CCSER1: variants seen among roughly 807,000 people sequenced by gnomAD.
CCSER1 encodes coiled-coil serine rich protein 1.
A neutral mutation model predicts 82.0 loss-of-function variants in CCSER1; 41 were observed. The ratio of observed to expected loss-of-function variants is 0.50; its 90% CI spans 0.39 to 0.65. The LOEUF (loss-of-function observed/expected upper bound fraction) is 0.65. Among genes scored for constraint, CCSER1 ranks in the 30% least tolerant of loss-of-function variants. The pLI, the probability that CCSER1 is intolerant of heterozygous loss-of-function variation, is 0.00. For synonymous variants in CCSER1, 414 were observed against 383.9 expected (o/e 1.08, Z -0.92); for missense variants, 1,119 against 1,064.2 (o/e 1.05, Z -0.72).
At chr4:90,400,196 C>G (rs544660659) in intron 4 of CCSER1, 67 bp downstream of exon 4, 28 of 804,164 alleles carry the variant, frequency 3.5e-5, no homozygotes, top group Non-Finnish European at 5.4e-5. Flanking sequence ...CACTGATAGC[C>G]TAAACACTGT....
intron 9 of CCSER1, among the ~76,000 whole-genome samples, chr4:91,031,261 T>C (rs1426423391): frequency 6.6e-6 from 1 of 152,144 alleles, no homozygotes; most frequent in African/African-American, 2.4e-5. Flanking sequence ...GCTTACAAAT[T>C]TATTAGGTTA....
In CCSER1 at chr4:91,580,117, C is replaced by T. The variant is rs181697416; in HGVS notation, c.2218-18455C>T. Reference sequence around the variant, plus strand: ...AGAAATGATTTACTGCCAGTTACTGCAGAGCAAGCTGAAGAAAAATTCAAT... The same window carrying T: ...AGAAATGATTTACTGCCAGTTACTGTAGAGCAAGCTGAAGAAAAATTCAAT... On this transcript the variant is annotated intron_variant, in intron 10 of 10. Transcript: ENST00000509176. 2.6e-5 allele frequency among the ~76,000 whole-genome samples: 4 copies of T among 151,874 alleles called. No homozygotes were observed. The East Asian group carries it at 7.8e-4, about 29-fold the overall frequency.
At chr4:91,438,550 A>G (rs112750233) in intron 10 of CCSER1, among the ~76,000 whole-genome samples, 1 of 152,152 alleles carries the variant, frequency 6.6e-6, no homozygotes, top group Non-Finnish European at 1.5e-5. Flanking sequence ...GAGCAGAAAA[A>G]CTGGATACTC....
intron 10 of CCSER1, among the ~76,000 whole-genome samples, chr4:91,234,234 C>A (rs956474160): frequency 6.6e-5 from 10 of 152,028 alleles, no homozygotes; most frequent in African/African-American, 2.2e-4. Flanking sequence ...CATCTTTCTT[C>A]TTCCATTAGC....
intron 9 of CCSER1, among the ~76,000 whole-genome samples, chr4:91,041,268 T>C (rs186292073): frequency 6.6e-6 from 1 of 152,192 alleles, no homozygotes; most frequent in Non-Finnish European, 1.5e-5. Flanking sequence ...CATTTGAATT[T>C]TATTTAAAGA....
intron 10 of CCSER1, among the ~76,000 whole-genome samples, chr4:91,593,315 C>T (rs1764354292): frequency 6.6e-6 from 1 of 151,948 alleles, no homozygotes; most frequent in South Asian, 2.1e-4. Flanking sequence ...GTTGGTGCTA[C>T]ATTTGTTACT....
intron 5 of CCSER1, among the ~76,000 whole-genome samples, chr4:90,473,083 G>A (rs1321788441): frequency 6.6e-6 from 1 of 152,148 alleles, no homozygotes; most frequent in Non-Finnish European, 1.5e-5. Flanking sequence ...CACTCAGCAT[G>A]TTCCTCAAAA....
intron 10 of CCSER1, among the ~76,000 whole-genome samples, chr4:91,433,449 C>G (rs1754450090): frequency 6.6e-6 from 1 of 152,084 alleles, no homozygotes; most frequent in Admixed American, 6.5e-5. Flanking sequence ...ACTGACTCGC[C>G]CAAGGCAGCT....
intron 10 of CCSER1, among the ~76,000 whole-genome samples, chr4:91,236,444 C>G (rs1341475731): frequency 6.6e-6 from 1 of 152,126 alleles, no homozygotes; most frequent in Non-Finnish European, 1.5e-5. Flanking sequence ...GATCACACCA[C>G]TGCACTCCAG....
intron 10 of CCSER1, among the ~76,000 whole-genome samples, chr4:91,385,673 G>A (rs984087001): frequency 1.3e-5 from 2 of 151,870 alleles, no homozygotes; most frequent in African/African-American, 4.8e-5. Context: ...TTGTGACTTT[G>A]GATTTTATTG....
intron 10 of CCSER1, among the ~76,000 whole-genome samples, chr4:91,092,165 C>T (rs1411562315): frequency 1.3e-5 from 2 of 152,136 alleles, no homozygotes; most frequent in Admixed American, 6.5e-5. Context: ...TTTGCTCCAC[C>T]TTTCCGGAAC....
chr4:91,391,994 C>T (rs1415784986), intron 10 of CCSER1, among the ~76,000 whole-genome samples: 1 of 151,864 alleles, frequency 6.6e-6, no homozygotes, highest in African/African-American at 2.4e-5. Context: ...CATATATAGA[C>T]ATATAGACAT....
intron 9 of CCSER1, among the ~76,000 whole-genome samples, chr4:90,979,982 A>G (rs966622116): frequency 4.6e-5 from 2 of 43,774 alleles, no homozygotes; most frequent in African/African-American, 1.0e-4. Flanking sequence ...TGATGAAACT[A>G]TAACTAAAAA....
intron 6 of CCSER1, among the ~76,000 whole-genome samples, chr4:90,718,485 C>T (rs1005039775): frequency 6.6e-6 from 1 of 152,102 alleles, no homozygotes; most frequent in Non-Finnish European, 1.5e-5. Flanking sequence ...CTACCAAGCA[C>T]CTTAATAGTA....
chr4:90,682,975 GA>G (rs1734167207), intron 6 of CCSER1: 1 of 152,052 alleles, frequency 6.6e-6, no homozygotes, highest in Non-Finnish European at 1.5e-5. Flanking sequence ...GGCAATGGGT[GA>G]AAAACATGAT....
chr4:91,182,502 TC>T, intron 10 of CCSER1, among the ~76,000 whole-genome samples: 1 of 152,314 alleles, frequency 6.6e-6, no homozygotes, highest in Non-Finnish European at 1.5e-5. Flanking sequence ...ATATTTTATC[TC>T]CCCCTTTCTG....
chr4:91,206,378 C>T (rs1371848306), intron 10 of CCSER1, among the ~76,000 whole-genome samples: 1 of 151,882 alleles, frequency 6.6e-6, no homozygotes, highest in African/African-American at 2.4e-5. Context: ...CCTCCTCTGC[C>T]TTCAAGGCGC....
chr4:90,171,053 C>T (rs1273297412), intron 1 of CCSER1, among the ~76,000 whole-genome samples: 1 of 151,402 alleles, frequency 6.6e-6, no homozygotes, highest in Non-Finnish European at 1.5e-5. Context: ...TACCGAATTG[C>T]CTCTATTGTG....
intron 1 of CCSER1, among the ~76,000 whole-genome samples, chr4:90,199,121 G>A (rs1432606941): frequency 1.3e-5 from 2 of 152,110 alleles, no homozygotes; most frequent in Admixed American, 6.6e-5. Context: ...CAGCTGGTCA[G>A]CAGTCTTTAG....
Sources: allele counts gnomAD v4.1 joint callset (sites outside exome capture counted in the v4.1 genomes callset), GRCh38; gene constraint gnomAD v4.1.1; transcripts MANE v1.5; gene names NCBI Gene and HGNC (gene_info 2026-07-23, HGNC 2026-07-21).